The following UNC79 variants were observed in gnomAD, a reference collection of about 807,000 sequenced individuals.
The protein encoded by UNC79 is unc-79 subunit of NALCN channel complex, also known as protein unc-79 homolog.
Under a neutral mutation model 283.1 loss-of-function variants are expected in UNC79, and 37 were observed. The observed-to-expected ratio is 0.13, with a 90% CI of 0.10 to 0.17. UNC79 has a LOEUF of 0.17. UNC79 is among the 10% of genes least tolerant of loss of function. The pLI, the probability that UNC79 is intolerant of heterozygous loss-of-function variation, is 1.00. For missense variants in UNC79, 2,272 were observed against 3,211.1 expected (o/e 0.71, Z 7.07); for synonymous variants, 1,107 against 1,200.2 (o/e 0.92, Z 1.61).
intron 40 of UNC79, among the ~76,000 whole-genome samples, chr14:93,665,646 C>T (rs1353265429): frequency 6.6e-6 from 1 of 150,424 alleles, no homozygotes; most frequent in Non-Finnish European, 1.5e-5. Flanking sequence ...TCAGAAAAAC[C>T]AAGGGAAAAG....
chr14:93,497,153 T>G lies in UNC79; in HGVS notation c.769-4T>G. On this transcript the variant is annotated splice_polypyrimidine_tract_variant and splice_region_variant and intron_variant, in intron 6 of 48. Transcript: ENST00000555664. ...AGTCAAAATATGCTTGCTGTTTCCT[T>G]TAGGATCTTTTGTATGTGATTGCGT... is the stretch of plus-strand genomic sequence containing the variant. The G allele has an allele frequency of 6.2e-7, 1 of 1,608,462 alleles. No individual in the cohort carries two copies. Among genetic ancestry groups the G allele is most frequent in the Non-Finnish European group, 8.5e-7 (1 of 1,178,566 alleles).
intron 27 of UNC79, among the ~76,000 whole-genome samples, chr14:93,615,529 C>G (rs954897066): frequency 6.6e-6 from 1 of 151,522 alleles, no homozygotes. Context: ...CGAAACCTGC[C>G]TGGCCAATAT....
chr14:93,675,580 G>T (rs564566161), intron 41 of UNC79, among the ~76,000 whole-genome samples: 10 of 152,312 alleles, frequency 6.6e-5, no homozygotes, highest in African/African-American at 2.4e-4. Context: ...TTCAGGAGTT[G>T]ACCCAGTAGA....
At chr14:93,694,443 T>G in intron 47 of UNC79, 31 bp downstream of exon 50, 2 of 1,574,360 alleles carry the variant, frequency 1.3e-6, no homozygotes, top group Non-Finnish European at 1.7e-6. Flanking sequence ...TTAAAGACCA[T>G]TTCTTACTGC....
intron 24 of UNC79, among the ~76,000 whole-genome samples, chr14:93,598,700 T>G (rs142882871): frequency 3.3e-4 from 51 of 152,292 alleles, no homozygotes; most frequent in African/African-American, 1.1e-3. Context: ...TTTTGTATTT[T>G]TAGTAAAGAC....
chr14:93,530,676 G>A lies in UNC79; in HGVS notation c.1093+1350G>A, dbSNP rs776261773. Among the ~76,000 whole-genome samples, 41 of 152,218 alleles carry A rather than the reference G, an allele frequency of 2.7e-4. 1 individual carries two copies. Among genetic ancestry groups the A allele is most frequent in the Admixed American group, 1.9e-3 (29 of 15,290 alleles). ...TGTAATCCCAGCACTTTGGGAGGCC[G>A]AGGTGGGCGGATCACAAGGTCAGGA... On this transcript the variant is annotated intron_variant, in intron 10 of 48. Transcript: ENST00000555664.
At chr14:93,612,275 T>G (rs545465555) in intron 26 of UNC79, among the ~76,000 whole-genome samples, 1 of 152,302 alleles carries the variant, frequency 6.6e-6, no homozygotes, top group African/African-American at 2.4e-5. Flanking sequence ...TATCTCAGGG[T>G]TTGGAAAAGA....
At chr14:93,403,181 G>T (rs1374315678) in intron 1 of UNC79, among the ~76,000 whole-genome samples, 1 of 152,148 alleles carries the variant, frequency 6.6e-6, no homozygotes, top group African/African-American at 2.4e-5. Flanking sequence ...CTGGCTCAGC[G>T]AATCTGCATT....
chr14:93,344,493 C>T (rs533026615), intron 1 of UNC79, among the ~76,000 whole-genome samples: 1 of 152,228 alleles, frequency 6.6e-6, no homozygotes, highest in Admixed American at 6.5e-5. Context: ...GTTCTTATCT[C>T]TGGTTCTTTG....
intron 4 of UNC79, among the ~76,000 whole-genome samples, chr14:93,479,130 C>A (rs994689239): frequency 6.6e-6 from 1 of 151,912 alleles, no homozygotes; most frequent in Non-Finnish European, 1.5e-5. Context: ...TAAACTTAGG[C>A]ATAAGAATTT....
At chr14:93,583,069 C>A (rs2063931885) in intron 20 of UNC79, among the ~76,000 whole-genome samples, 1 of 151,930 alleles carries the variant, frequency 6.6e-6, no homozygotes. Context: ...TACCTGTAAT[C>A]CCAGTACTTT....
At chr14:93,506,711 G>T (rs140480176) in intron 7 of UNC79, among the ~76,000 whole-genome samples, 212 of 152,096 alleles carry the variant, frequency 1.4e-3, no homozygotes, top group African/African-American at 4.7e-3. Context: ...TTTGTCACTG[G>T]AAAATTGTCA....
chr14:93,597,187 C>T (rs1350612728), intron 23 of UNC79, among the ~76,000 whole-genome samples, 172 bp from the exon 24 acceptor site: 1 of 152,182 alleles, frequency 6.6e-6, no homozygotes, highest in African/African-American at 2.4e-5. Context: ...ATGGAACACT[C>T]GAGATGGTGG....
chr14:93,339,083 G>A (rs1439151245), intron 1 of UNC79, among the ~76,000 whole-genome samples: 1 of 152,080 alleles, frequency 6.6e-6, no homozygotes, highest in South Asian at 2.1e-4. Context: ...AGAAAATGGA[G>A]GTGAGGTACT....
At chr14:93,701,651 A>G (rs1410694776) in intron 47 of UNC79, among the ~76,000 whole-genome samples, 2 of 152,234 alleles carry the variant, frequency 1.3e-5, no homozygotes, top group African/African-American at 4.8e-5. Flanking sequence ...GCAAAAGAGA[A>G]TGAAAATGAA....
chr14:93,550,421 A>T (rs1274448119), intron 14 of UNC79, among the ~76,000 whole-genome samples: 1 of 150,530 alleles, frequency 6.6e-6, no homozygotes, highest in African/African-American at 2.4e-5. Flanking sequence ...AGGCTGAGGC[A>T]GGAGAATTGC....
rs1183821460 is a variant in UNC79 at position 93,334,750 on chromosome 14, T to C, written c.-351+1227T>C. ...GTATTGAGAGGGCCGACTTTTCTTATACTCACATTCCACAGGACGGACAGG... is the reference window on the plus strand; with the variant it reads ...GTATTGAGAGGGCCGACTTTTCTTACACTCACATTCCACAGGACGGACAGG... On this transcript the variant is annotated intron_variant, in intron 1 of 49. Transcript: ENST00000256339. The C allele has an allele frequency of 1.1e-4, 16 of 152,352 alleles. 1 individual carries two copies. Among genetic ancestry groups the C allele is most frequent in the African/African-American group, 3.1e-4 (13 of 41,464 alleles). 9.4% of individuals were successfully genotyped at this position (152,352 alleles called of 1,614,324 possible). A position where few individuals can be genotyped will look rare whatever the true frequency, so the allele number is the denominator to read the frequency against.
At chr14:93,603,642 T>C (rs2065672002) in intron 26 of UNC79, among the ~76,000 whole-genome samples, 1 of 152,156 alleles carries the variant, frequency 6.6e-6, no homozygotes, top group Non-Finnish European at 1.5e-5. Context: ...ACAGTAGATG[T>C]TTTTGAAATG....
chr14:93,591,282 A>T (rs1247856339), intron 22 of UNC79, among the ~76,000 whole-genome samples: 2 of 152,136 alleles, frequency 1.3e-5, no homozygotes, highest in Non-Finnish European at 2.9e-5. Flanking sequence ...AGCATGAGCT[A>T]TGTAAAGTCA....
Sources: gnomAD v4.1 joint callset for allele counts (sites outside exome capture counted in the v4.1 genomes callset) on GRCh38, gnomAD v4.1.1 for gene constraint, MANE v1.5 for transcripts, NCBI Gene and HGNC (gene_info 2026-07-23, HGNC 2026-07-21) for gene names.